The following DNAI7 variants were observed in gnomAD, a reference collection of about 807,000 sequenced individuals.
DNAI7 encodes dynein axonemal intermediate chain 7.
A neutral mutation model predicts 86.6 loss-of-function variants in DNAI7; 78 were observed. The observed-to-expected ratio is 0.90, with a 90% CI of 0.75 to 1.09. DNAI7 has a LOEUF of 1.09. Among genes scored for constraint, DNAI7 ranks in the 50% least tolerant of loss-of-function variants. DNAI7 has a pLI of 0.00. For missense variants in DNAI7, 753 were observed against 810.2 expected (o/e 0.93, Z 0.86); for synonymous variants, 274 against 273.0 (o/e 1.00, Z -0.04).
intron 1 of DNAI7, chr12:25,194,787 G>T: frequency 7.9e-7 from 1 of 1,271,004 alleles, no homozygotes; most frequent in Non-Finnish European, 1.1e-6. Context: ...AAGTTACTAG[G>T]TTGGGACCAA....
At position 25,172,874 on chromosome 12, in the gene DNAI7, T is replaced by C. The variant is rs139073130; in HGVS notation, c.22-11677A>G. 6.2e-3 allele frequency among the ~76,000 whole-genome samples: 937 copies of C among 152,234 alleles called. 10 individuals are homozygous for C. The highest frequency in any genetic ancestry group is 0.021 in the African/African-American group (874 of 41,532). ...GGGAAAGGACATCCTTTTCAACAAA[T>C]GGTGCTGGGATAATTGGCTAGCTAC... On this transcript the variant is annotated intron_variant, in intron 2 of 15. Coordinates refer to ENST00000395987, the MANE Select transcript of DNAI7 (RefSeq NM_018272.5).
chr12:25,134,447 C>G (rs1374604485), intron 9 of DNAI7, among the ~76,000 whole-genome samples: 2 of 149,656 alleles, frequency 1.3e-5, no homozygotes, highest in East Asian at 3.9e-4. Flanking sequence ...ACCTCTGCCT[C>G]CCAGGTTCAA....
chr12:25,182,605 T>TACACACAAACACAC (rs1949624946), intron 2 of DNAI7, among the ~76,000 whole-genome samples: 1 of 132,098 alleles, frequency 7.6e-6, no homozygotes, highest in Admixed American at 7.8e-5. Context: ...TGAGACTGTC[T>TACACACAAACACAC]ACACACACAC....
intron 1 of DNAI7, among the ~76,000 whole-genome samples, chr12:25,191,460 T>TACAGGA (rs1950511869): frequency 6.6e-6 from 1 of 152,062 alleles, no homozygotes; most frequent in Non-Finnish European, 1.5e-5. Context: ...ATCCCAGGAC[T>TACAGGA]TTGGGCGGCT....
chr12:25,174,387 G>GATATATATATGATATATAT (rs1565810149), intron 2 of DNAI7, among the ~76,000 whole-genome samples: 1 of 662 alleles, frequency 1.5e-3, no homozygotes, highest in African/African-American at 5.3e-3. Flanking sequence ...TCATATATAT[G>GATATATATATGATATATAT]GGATATATCA....
chr12:25,110,760 C>CT (rs1938648016), intron 14 of DNAI7, among the ~76,000 whole-genome samples: 1 of 152,142 alleles, frequency 6.6e-6, no homozygotes, highest in Admixed American at 6.5e-5. Flanking sequence ...TCTACCTTTT[C>CT]TTTTTTTCCA....
In DNAI7 at chr12:25,156,087, G is replaced by A. The variant is rs1013402863; in HGVS notation, c.199-675C>T. ...CAACCGCACTCCAGCCTGGATGACA[G>A]GGCAAGACTCTAAATCACGTTACAA... On this transcript the variant is annotated intron_variant, in intron 4 of 15. Coordinates refer to ENST00000395987, the MANE Select transcript of DNAI7 (RefSeq NM_018272.5). Among the ~76,000 whole-genome samples, 8 of 147,884 alleles carry A rather than the reference G, an allele frequency of 5.4e-5. No individual in the cohort carries two copies. In the Admixed American group the frequency reaches 5.6e-4, roughly 10 times the overall value.
intron 9 of DNAI7, among the ~76,000 whole-genome samples, chr12:25,124,528 A>G (rs998048268): frequency 1.3e-5 from 2 of 152,228 alleles, no homozygotes; most frequent in Non-Finnish European, 2.9e-5. Context: ...CAATAGGAGT[A>G]CAAGGAAGAG....
At chr12:25,176,901 C>CTTTTTTTT (rs761004608) in intron 2 of DNAI7, among the ~76,000 whole-genome samples, 11 of 118,128 alleles carry the variant, frequency 9.3e-5, no homozygotes, top group Admixed American at 1.7e-4. Context: ...TAACCATTTT[C>CTTTTTTTT]TTTTTTTTTT....
At chr12:25,162,337 AT>A (rs1189167177) in intron 2 of DNAI7, among the ~76,000 whole-genome samples, 1 of 152,364 alleles carries the variant, frequency 6.6e-6, no homozygotes, top group East Asian at 1.9e-4. Context: ...ATTGTTAAAA[AT>A]AATTTACATA....
Position 25,195,006 on chromosome 12 carries a change from A to G in DNAI7, c.3+70T>C, listed in dbSNP as rs750704614. 4 of 1,614,158 alleles carry G rather than the reference A, an allele frequency of 2.5e-6. No individual in the cohort carries two copies. The South Asian group carries it at 3.3e-5, about 13-fold the overall frequency. On this transcript the variant is annotated intron_variant, in intron 1 of 15. Coordinates refer to ENST00000395987, the MANE Select transcript of DNAI7 (RefSeq NM_018272.5). ...TAAAATATGACTGGCTCTTGATTAC[A>G]TTATTTAACACTGGTGAAGCAGAAT... is the stretch of plus-strand genomic sequence containing the variant.
chr12:25,136,764 A>C (rs916322107), intron 9 of DNAI7, among the ~76,000 whole-genome samples: 18 of 145,582 alleles, frequency 1.2e-4, no homozygotes, highest in African/African-American at 5.1e-4. Context: ...GAAATGCAAA[A>C]TACACTGGGA....
At chr12:25,111,337 G>C (rs1049636882) in intron 14 of DNAI7, among the ~76,000 whole-genome samples, 5 of 152,202 alleles carry the variant, frequency 3.3e-5, no homozygotes, top group Non-Finnish European at 7.3e-5. Context: ...ACATGAAACA[G>C]TACACAGACA....
At chr12:25,161,651 G>A (rs567927741) in intron 2 of DNAI7, among the ~76,000 whole-genome samples, 3 of 152,324 alleles carry the variant, frequency 2.0e-5, no homozygotes, top group African/African-American at 7.2e-5. Context: ...TTTCAACAGT[G>A]AGGAGCAAGT....
chr12:25,174,509 G>GATAT (rs1170977430), intron 2 of DNAI7, among the ~76,000 whole-genome samples: 1 of 81,812 alleles, frequency 1.2e-5, no homozygotes, highest in African/African-American at 5.8e-5. Context: ...ATATATATGG[G>GATAT]ATATATATAT....
At chr12:25,162,539 T>G (rs538149150) in intron 2 of DNAI7, among the ~76,000 whole-genome samples, 89 of 152,318 alleles carry the variant, frequency 5.8e-4, no homozygotes, top group Middle Eastern at 3.4e-3. Context: ...GAAGAATTCA[T>G]AGAAAGAGTG....
intron 9 of DNAI7, among the ~76,000 whole-genome samples, chr12:25,127,511 T>C (rs1942314628): frequency 1.3e-5 from 2 of 152,216 alleles, no homozygotes; most frequent in African/African-American, 4.8e-5. Context: ...TTACTTCAAT[T>C]GTATTAAATT....
At chr12:25,109,610 T>G (rs1432367180) in intron 15 of DNAI7, among the ~76,000 whole-genome samples, 1 of 152,142 alleles carries the variant, frequency 6.6e-6, no homozygotes. Context: ...TGGCCTGGCT[T>G]GAAGTCAAGA....
intron 9 of DNAI7, among the ~76,000 whole-genome samples, chr12:25,143,806 T>C (rs1944494725): frequency 6.6e-6 from 1 of 152,178 alleles, no homozygotes; most frequent in African/African-American, 2.4e-5. Flanking sequence ...TTAAGAGACA[T>C]TTTTTCTAAC....
Sources: gnomAD v4.1 joint callset for allele counts (sites outside exome capture counted in the v4.1 genomes callset) on GRCh38, gnomAD v4.1.1 for gene constraint, MANE v1.5 for transcripts, NCBI Gene and HGNC (gene_info 2026-07-23, HGNC 2026-07-21) for gene names.